Variants in GAS7 observed in about 807,000 individuals in gnomAD.
GAS7 encodes the protein growth arrest-specific protein 7.
Under a neutral mutation model 71.1 loss-of-function variants are expected in GAS7, and 28 were observed. The observed-to-expected ratio is 0.39, with a 90% CI of 0.29 to 0.54. The LOEUF is 0.54. GAS7 is among the 20% of genes least tolerant of loss of function. GAS7 has a pLI of 0.62. For synonymous variants in GAS7, 258 were observed against 245.8 expected, an observed-to-expected ratio of 1.05 and a Z score of -0.46; for missense variants, 436 against 627.8, an observed-to-expected ratio of 0.69 and a Z score of 3.27.
chr17:9,950,713 G>A (rs567038276), intron 5 of GAS7, among the ~76,000 whole-genome samples: 4 of 151,970 alleles, frequency 2.6e-5, no homozygotes, highest in African/African-American at 4.8e-5. Context: ...AAAATTAGCC[G>A]GGCATGGTGG....
chr17:10,059,611 G>T, intron 1 of GAS7: 3 of 771,572 alleles, frequency 3.9e-6, no homozygotes, highest in Non-Finnish European at 4.7e-6. Flanking sequence ...AGGAGTGGCG[G>T]CTGCCTCGCA....
intron 1 of GAS7, among the ~76,000 whole-genome samples, chr17:10,134,738 C>T (rs1160076784): frequency 6.6e-6 from 1 of 151,996 alleles, no homozygotes; most frequent in Admixed American, 6.6e-5. Context: ...GGGTTATAGC[C>T]CTGTGACTAT....
intron 1 of GAS7, among the ~76,000 whole-genome samples, chr17:10,058,666 TATGGTGAG>T (rs2073181144): frequency 6.6e-6 from 1 of 152,184 alleles, no homozygotes; most frequent in African/African-American, 2.4e-5. Context: ...TGTGGCCTGC[TATGGTGAG>T]ATGCCTTATA....
intron 3 of GAS7, among the ~76,000 whole-genome samples, chr17:9,970,372 G>T (rs2069910191): frequency 6.6e-6 from 1 of 152,210 alleles, no homozygotes; most frequent in Non-Finnish European, 1.5e-5. Flanking sequence ...GCTCATGTCT[G>T]TAATCCCAGA....
chr17:10,106,058 C>T (rs1234281610), intron 1 of GAS7, among the ~76,000 whole-genome samples: 1 of 152,196 alleles, frequency 6.6e-6, no homozygotes. Flanking sequence ...TACCTCTGCC[C>T]TCCAGTCAAC....
At chr17:10,133,364 C>T (rs771129406) in intron 1 of GAS7, among the ~76,000 whole-genome samples, 7 of 152,078 alleles carry the variant, frequency 4.6e-5, no homozygotes, top group Non-Finnish European at 8.8e-5. Context: ...CTCAAGTGAT[C>T]TGCCTGCCTC....
chr17:10,105,762 T>G (rs1318097081), intron 1 of GAS7, among the ~76,000 whole-genome samples: 1 of 152,138 alleles, frequency 6.6e-6, no homozygotes, highest in Non-Finnish European at 1.5e-5. Context: ...ATGCCTTTCT[T>G]GTTTGCGTCT....
chr17:10,194,237 T>G (rs549803085), intron 1 of GAS7, among the ~76,000 whole-genome samples: 1 of 152,350 alleles, frequency 6.6e-6, no homozygotes, highest in African/African-American at 2.4e-5. Flanking sequence ...CAAAGAAAGC[T>G]CTATTTTGTT....
In GAS7 at chr17:9,962,239, T is replaced by TACACACACACACACACACAC. The variant is rs58521200; in HGVS notation, c.472-3004_472-2985dup. ...TCATATACATATCACGTGCATTTTA[T>TACACACACACACACACACAC]ACACACACACACACACACACACACA... On this transcript the variant is annotated intron_variant, in intron 4 of 13. Coordinates refer to ENST00000432992, the MANE Select transcript of GAS7 (RefSeq NM_201433.2). Among the ~76,000 whole-genome samples, 237 of 148,732 alleles carry TACACACACACACACACACAC rather than the reference T, an allele frequency of 1.6e-3. 2 individuals carry two copies. Among genetic ancestry groups the TACACACACACACACACACAC allele is most frequent in the African/African-American group, 5.0e-3 (202 of 40,210 alleles).
At chr17:10,150,164 A>C (rs1222842285) in intron 1 of GAS7, among the ~76,000 whole-genome samples, 1 of 152,210 alleles carries the variant, frequency 6.6e-6, no homozygotes, top group Non-Finnish European at 1.5e-5. Flanking sequence ...ACCTAGAAAT[A>C]GTGGTTAACC....
intron 1 of GAS7, among the ~76,000 whole-genome samples, chr17:10,133,911 G>T (rs1304554032): frequency 6.6e-6 from 1 of 152,084 alleles, no homozygotes; most frequent in Non-Finnish European, 1.5e-5. Context: ...TTGCCATTGT[G>T]TATATATACA....
intron 1 of GAS7, among the ~76,000 whole-genome samples, chr17:10,134,527 G>A (rs1212906996): frequency 6.6e-6 from 1 of 152,188 alleles, no homozygotes; most frequent in Non-Finnish European, 1.5e-5. Flanking sequence ...TAGCTGAACT[G>A]ATTTATATTC....
chr17:10,015,687 TC>T (rs1378138745), intron 2 of GAS7, among the ~76,000 whole-genome samples: 1 of 152,190 alleles, frequency 6.6e-6, no homozygotes, highest in African/African-American at 2.4e-5. Flanking sequence ...ATAGCTGCTT[TC>T]CTTCTCCCTT....
intron 2 of GAS7, among the ~76,000 whole-genome samples, chr17:10,003,962 A>G (rs553131226): frequency 6.6e-6 from 1 of 152,144 alleles, no homozygotes; most frequent in Non-Finnish European, 1.5e-5. Context: ...TCCAACAATA[A>G]CAATCTCATC....
At chr17:10,187,515 C>T (rs2074464553) in intron 1 of GAS7, among the ~76,000 whole-genome samples, 1 of 152,208 alleles carries the variant, frequency 6.6e-6, no homozygotes, top group South Asian at 2.1e-4. Flanking sequence ...TCGCTTTGCT[C>T]ATCAAACTTC....
intron 3 of GAS7, among the ~76,000 whole-genome samples, chr17:9,980,306 C>T (rs185236892): frequency 6.6e-6 from 1 of 152,216 alleles, no homozygotes; most frequent in East Asian, 1.9e-4. Context: ...CCAAAGACTC[C>T]CTGCTCTGAA....
intron 2 of GAS7, among the ~76,000 whole-genome samples, chr17:9,989,050 C>T (rs982154976): frequency 6.6e-6 from 1 of 151,888 alleles, no homozygotes; most frequent in Admixed American, 6.6e-5. Flanking sequence ...AGGGTTTCAC[C>T]GTGTTAGCCA....
In GAS7 at chr17:9,959,586, G is replaced by T; in HGVS notation, c.472-331C>A. The T allele has an allele frequency of 3.3e-6, 2 of 598,912 alleles. No homozygotes were observed. The highest frequency in any genetic ancestry group is 5.0e-6 in the Non-Finnish European group (2 of 400,420). The allele number at this position is 598,912 out of a possible 1,614,324, so 37.1% of individuals were successfully genotyped here. On this transcript the variant is annotated intron_variant, in intron 4 of 13. Transcript: ENST00000432992. This position sits in a 1 kb window ranked among gnomAD's most constrained non-coding sequence, Gnocchi z 5.0. ...CCCTCTGCTGGTGAACGTTCCGCGTGCCGCTTGCTGCCTGAAGCCGCGGAA... is the reference window on the plus strand; with the variant it reads ...CCCTCTGCTGGTGAACGTTCCGCGTTCCGCTTGCTGCCTGAAGCCGCGGAA...
At chr17:10,052,647 G>C (rs558404488) in intron 1 of GAS7, among the ~76,000 whole-genome samples, 114 of 152,308 alleles carry the variant, frequency 7.5e-4, no homozygotes, top group African/African-American at 2.7e-3. Context: ...GCTGCCAGAG[G>C]CTCCGTCCTC....
Sources: allele counts gnomAD v4.1 joint callset (sites outside exome capture counted in the v4.1 genomes callset), GRCh38; gene constraint gnomAD v4.1.1; non-coding constraint Gnocchi (gnomAD v3.1); transcripts MANE v1.5; gene names NCBI Gene and HGNC (gene_info 2026-07-23, HGNC 2026-07-21).